FOXP2: variants seen among roughly 807,000 people sequenced by gnomAD.
FOXP2 encodes forkhead box protein P2.
In FOXP2, 12 loss-of-function variants were observed where a neutral mutation model predicts 115.8. That is an observed-to-expected ratio of 0.10 (90% CI 0.07 to 0.17). FOXP2 has a LOEUF of 0.17. Ranked by LOEUF, FOXP2 falls within the 10% of genes least tolerant of loss-of-function variation. The pLI, the probability that FOXP2 is intolerant of heterozygous loss-of-function variation, is 1.00. For synonymous variants in FOXP2, 328 were observed against 297.7 expected, an observed-to-expected ratio of 1.10 and a Z score of -1.05; for missense variants, 629 against 843.5, an observed-to-expected ratio of 0.75 and a Z score of 3.15.
intron 2 of FOXP2, among the ~76,000 whole-genome samples, chr7:114,495,453 TTTTTTTCTTTG>T (rs1797260689): frequency 1.3e-5 from 2 of 151,094 alleles, no homozygotes; most frequent in African/African-American, 2.4e-5. Flanking sequence ...TTTTATTTTC[TTTTTTTCTTTG>T]TTTTTTCTTT....
intron 2 of FOXP2, among the ~76,000 whole-genome samples, chr7:114,489,212 G>C (rs887575294): frequency 6.6e-6 from 1 of 151,960 alleles, no homozygotes; most frequent in African/African-American, 2.4e-5. Context: ...ATTTTTCATG[G>C]AAAATATCAC....
chr7:114,291,402 C>T (rs1273662956), intron 2 of FOXP2, among the ~76,000 whole-genome samples: 1 of 152,038 alleles, frequency 6.6e-6, no homozygotes, highest in Admixed American at 6.6e-5. Flanking sequence ...AATTTGGGGA[C>T]AACACAAATA....
rs142496842 is a variant in FOXP2, at chr7:114,526,056, G to A, written c.169-8561G>A. 4.7e-3 allele frequency among the ~76,000 whole-genome samples: 704 copies of A among 150,758 alleles called. 26 individuals carry two copies. Among genetic ancestry groups the A allele is most frequent in the Non-Finnish European group, 1.2e-3 (82 of 67,836 alleles). ...GAACCTGGGAGGCAGAGGTTGCAGT[G>A]AGCCAAGATCACACCATTGCACTCC... is the stretch of plus-strand genomic sequence containing the variant. On this transcript the variant is annotated intron_variant, in intron 2 of 16. Transcript: ENST00000350908.
intron 2 of FOXP2, among the ~76,000 whole-genome samples, chr7:114,295,929 C>T (rs1030238860): frequency 3.9e-5 from 6 of 152,112 alleles, no homozygotes; most frequent in Non-Finnish European, 8.8e-5. Context: ...ACTTGTGTCT[C>T]GGAGTTGCTA....
At chr7:114,253,823 G>T (rs892194815) in intron 1 of FOXP2, among the ~76,000 whole-genome samples, 2 of 152,176 alleles carry the variant, frequency 1.3e-5, no homozygotes, top group Non-Finnish European at 2.9e-5. Flanking sequence ...GTGTGAATTT[G>T]ATCCTGTCAT....
chr7:114,491,131 C>T (rs1316776735), intron 2 of FOXP2, among the ~76,000 whole-genome samples: 1 of 151,894 alleles, frequency 6.6e-6, no homozygotes, highest in Non-Finnish European at 1.5e-5. Flanking sequence ...AACAGTGTAA[C>T]AGTGTTCCTA....
intron 1 of FOXP2, among the ~76,000 whole-genome samples, chr7:114,170,911 A>G (rs79244337): frequency 0.019 from 2,934 of 152,354 alleles, 35 homozygotes; most frequent in Non-Finnish European, 0.03. Context: ...AGTTGGCTAC[A>G]TTAAATAACA....
At chr7:114,600,893 TAA>T (rs1265490703) in intron 3 of FOXP2, among the ~76,000 whole-genome samples, 1 of 152,160 alleles carries the variant, frequency 6.6e-6, no homozygotes, top group Non-Finnish European at 1.5e-5. Flanking sequence ...ATTGTAGATA[TAA>T]GTCTTTATCA....
intron 2 of FOXP2, among the ~76,000 whole-genome samples, chr7:114,310,045 T>C (rs1239884708): frequency 6.6e-6 from 1 of 152,106 alleles, no homozygotes. Context: ...GTCCAAGATA[T>C]AGTAAAAATG....
rs577421816 is a variant in FOXP2 at position 114,234,750 on chromosome 7, G to A, written c.-101-53269G>A. Among the ~76,000 whole-genome samples the A allele has an allele frequency of 9.2e-5, 14 of 152,228 alleles. No individual in the cohort carries two copies. In the East Asian group the frequency reaches 1.7e-3, roughly 19 times the overall value. On this transcript the variant is annotated intron_variant, in intron 1 of 17. Coordinates refer to the FOXP2 transcript ENST00000634411. ...CTACTCTAATCTGGCTCACTGGCTC[G>A]TCTTTTGGCATTCTTGCCCTGCATT...
chr7:114,196,095 C>T (rs1280399831), intron 1 of FOXP2, among the ~76,000 whole-genome samples: 2 of 152,160 alleles, frequency 1.3e-5, no homozygotes, highest in Non-Finnish European at 2.9e-5. Context: ...TCACTGTACC[C>T]TCTGCCTCCA....
At chr7:114,148,177 G>A (rs552170141) in intron 1 of FOXP2, among the ~76,000 whole-genome samples, 10 of 152,156 alleles carry the variant, frequency 6.6e-5, no homozygotes, top group Admixed American at 6.6e-4. Flanking sequence ...TGCGGGGATT[G>A]GGGGAAGAAT....
intron 3 of FOXP2, among the ~76,000 whole-genome samples, chr7:114,583,720 T>C (rs1418716911): frequency 1.3e-5 from 2 of 152,216 alleles, no homozygotes; most frequent in East Asian, 1.9e-4. Context: ...ATTTCAGGAA[T>C]TGGTGACTTT....
chr7:114,422,429 T>C (rs1424615825), intron 1 of FOXP2, among the ~76,000 whole-genome samples: 1 of 151,744 alleles, frequency 6.6e-6, no homozygotes, highest in Non-Finnish European at 1.5e-5. Flanking sequence ...AGACAGACTG[T>C]TTATGTAGAA....
intron 3 of FOXP2, among the ~76,000 whole-genome samples, chr7:114,587,311 A>G (rs1802190735): frequency 6.6e-6 from 1 of 151,924 alleles, no homozygotes; most frequent in South Asian, 2.1e-4. Context: ...CCCACTTATG[A>G]GTGAGAACAT....
At chr7:114,159,325 A>C (rs1792762095), upstream of FOXP2, among the ~76,000 whole-genome samples, 1 of 152,128 alleles carries the variant, frequency 6.6e-6, no homozygotes, top group African/African-American at 2.4e-5. Context: ...TGGATTTTTC[A>C]GCTAGGTTAT....
chr7:114,159,895 G>A (rs1045315810), upstream of FOXP2, among the ~76,000 whole-genome samples: 1 of 152,184 alleles, frequency 6.6e-6, no homozygotes, highest in African/African-American at 2.4e-5. Flanking sequence ...CTATTTTTAT[G>A]CAAAGGCTCA....
At chr7:114,252,340 T>C (rs559510964) in intron 1 of FOXP2, among the ~76,000 whole-genome samples, 24 of 152,338 alleles carry the variant, frequency 1.6e-4, no homozygotes, top group African/African-American at 5.3e-4. Flanking sequence ...TCTTTTTCTA[T>C]TGATTGGAAT....
In FOXP2 at chr7:114,692,687, A is replaced by C. The variant is rs1458490801; in HGVS notation, c.*2761A>C. On this transcript the variant is annotated 3_prime_UTR_variant, in exon 17 of 17. Transcript: ENST00000350908. ...CTTCTGTGCATACCTTATAAAGCATAATGTCTGACAATTTAAATGGCTCAT... is the reference window on the plus strand; with the variant it reads ...CTTCTGTGCATACCTTATAAAGCATCATGTCTGACAATTTAAATGGCTCAT... The C allele has an allele frequency of 2.3e-6, 1 of 444,068 alleles. No homozygotes were observed. The highest frequency in any genetic ancestry group is 2.0e-5 in the African/African-American group (1 of 49,456). The allele number at this position is 444,068 out of a possible 1,614,324, so 27.5% of individuals were successfully genotyped here. A position where few individuals can be genotyped will look rare whatever the true frequency, so the allele number is the denominator to read the frequency against.
Sources: allele counts gnomAD v4.1 joint callset (sites outside exome capture counted in the v4.1 genomes callset), GRCh38; gene constraint gnomAD v4.1.1; transcripts MANE v1.5; gene names NCBI Gene and HGNC (gene_info 2026-07-23, HGNC 2026-07-21).